The following NCOR2 variants were observed in gnomAD, a reference collection of about 807,000 sequenced individuals.
The protein encoded by NCOR2 is nuclear receptor corepressor 2.
Under a neutral mutation model 262.9 loss-of-function variants are expected in NCOR2, and 81 were observed. That is an observed-to-expected ratio of 0.31 (90% CI 0.26 to 0.37). The LOEUF (loss-of-function observed/expected upper bound fraction) is 0.37. NCOR2 is among the 10% of genes least tolerant of loss of function. The pLI is 1.00. For missense variants in NCOR2, 3,385 were observed against 3,621.4 expected (o/e 0.93, Z 1.68); for synonymous variants, 1,659 against 1,559.3 (o/e 1.06, Z -1.51).
At chr12:124,431,568 C>G (rs1246690814) in intron 8 of NCOR2, among the ~76,000 whole-genome samples, 1 of 150,820 alleles carries the variant, frequency 6.6e-6, no homozygotes, top group Non-Finnish European at 1.5e-5. Context: ...ACAAGATACA[C>G]AGAGAGACAC....
intron 1 of NCOR2, among the ~76,000 whole-genome samples, chr12:124,511,442 C>T (rs1296367892): frequency 1.3e-5 from 2 of 152,220 alleles, no homozygotes; most frequent in Non-Finnish European, 2.9e-5. Context: ...CAAGGGCACC[C>T]GGCAAACCTG....
intron 20 of NCOR2, among the ~76,000 whole-genome samples, chr12:124,370,270 G>A (rs992496527): frequency 6.6e-6 from 1 of 152,240 alleles, no homozygotes; most frequent in African/African-American, 2.4e-5. Flanking sequence ...TCAGGGTCAG[G>A]CCGTCCACTT....
At chr12:124,397,984 G>A (rs2041785772) in intron 16 of NCOR2, 135 bp downstream of exon 18, 3 of 1,011,600 alleles carry the variant, frequency 3.0e-6, no homozygotes, top group South Asian at 2.7e-5. Flanking sequence ...GAACAGCCCA[G>A]AACCAGAACC....
chr12:124,508,931 G>A (rs1381676909), intron 1 of NCOR2, among the ~76,000 whole-genome samples: 4 of 152,070 alleles, frequency 2.6e-5, no homozygotes, highest in Non-Finnish European at 5.9e-5. Flanking sequence ...CTTGGAGGGG[G>A]GACCCAAGAG....
intron 1 of NCOR2, among the ~76,000 whole-genome samples, chr12:124,545,604 C>T (rs553011254): frequency 2.1e-4 from 32 of 152,330 alleles, no homozygotes; most frequent in African/African-American, 7.5e-4. Context: ...TCTCATGTAC[C>T]GGTGAGCTCA....
chr12:124,410,177 T>C (rs2042494574), intron 13 of NCOR2, among the ~76,000 whole-genome samples: 1 of 149,390 alleles, frequency 6.7e-6, no homozygotes, highest in Non-Finnish European at 1.5e-5. Context: ...CAGCTTGAGA[T>C]GTCCCCCAGG....
chr12:124,405,303 C>G (rs2042219360), intron 13 of NCOR2, among the ~76,000 whole-genome samples: 1 of 152,256 alleles, frequency 6.6e-6, no homozygotes, highest in Admixed American at 6.5e-5. Flanking sequence ...GAGTGCAATC[C>G]TGGCACCAAG....
At chr12:124,354,975 C>T (rs767638348) in intron 24 of NCOR2, 36 bp from the exon 27 acceptor site, 2 of 1,574,964 alleles carry the variant, frequency 1.3e-6, no homozygotes, top group Admixed American at 3.5e-5. Flanking sequence ...CAGGGGCACC[C>T]TGGTCCCTCC....
Position 124,419,938 on chromosome 12 carries a change from C to A in NCOR2, c.1482+19G>T. 3 of 1,607,382 alleles carry A rather than the reference C, an allele frequency of 1.9e-6. No homozygotes were observed. Among genetic ancestry groups the A allele is most frequent in the Non-Finnish European group, 2.6e-6 (3 of 1,174,206 alleles). ...TGCAGGGAGCCTGCAAGGACAGTCA[C>A]CCCCACCTTGCCTCTTACCTGGCTC... On this transcript the variant is annotated intron_variant, in intron 13 of 46. Coordinates refer to ENST00000405201, the Ensembl canonical transcript of NCOR2.
At chr12:124,540,497 G>A (rs1427838291), upstream of NCOR2, among the ~76,000 whole-genome samples, 1 of 9,562 alleles carries the variant, frequency 1.0e-4, no homozygotes, top group African/African-American at 6.8e-4. Flanking sequence ...TGGAGCTGGA[G>A]GGGGATGGGA....
At chr12:124,490,378 C>A (rs750635760) in intron 1 of NCOR2, among the ~76,000 whole-genome samples, 1 of 151,880 alleles carries the variant, frequency 6.6e-6, no homozygotes, top group East Asian at 1.9e-4. Flanking sequence ...TGGAAGAGGA[C>A]GGGCCCGAGA....
chr12:124,536,833 A>G (rs182304688), upstream of NCOR2, among the ~76,000 whole-genome samples: 1 of 152,348 alleles, frequency 6.6e-6, no homozygotes, highest in African/African-American at 2.4e-5. Flanking sequence ...AAACAGCCAC[A>G]CAGACTCGCG....
rs377537155 is a variant in NCOR2 at position 124,348,128 on chromosome 12, G to A, written c.3985+46C>T. The stretch of plus-strand genomic sequence containing the variant: ...AAACGGGGTCAGCCATCCCCCCACC[G>A]CCCACCAGGGGGCACCGAGAGATGA... On this transcript the variant is annotated intron_variant, in intron 29 of 46. Transcript: ENST00000405201. The A allele has an allele frequency of 2.9e-5, 46 of 1,603,072 alleles. No individual in the cohort carries two copies. In the African/African-American group the frequency reaches 3.6e-4, roughly 13 times the overall value.
At chr12:124,486,610 G>C (rs556744434) in intron 1 of NCOR2, 42 bp from the exon 4 acceptor site, 1 of 1,530,986 alleles carries the variant, frequency 6.5e-7, no homozygotes, top group Non-Finnish European at 8.8e-7. Context: ...GGGCGGGCAC[G>C]GGCATGGCGG....
chr12:124,352,821 G>A (rs191318203), intron 27 of NCOR2, among the ~76,000 whole-genome samples: 5 of 152,350 alleles, frequency 3.3e-5, no homozygotes, highest in African/African-American at 4.8e-5. Flanking sequence ...TCTGCTTCCA[G>A]GAGATGAGCC....
intron 11 of NCOR2, among the ~76,000 whole-genome samples, chr12:124,424,639 C>T (rs1024640420): frequency 2.6e-5 from 4 of 152,192 alleles, no homozygotes; most frequent in Non-Finnish European, 5.9e-5. Flanking sequence ...TCTGCACTTG[C>T]GGGTCCACTC....
intron 13 of NCOR2, among the ~76,000 whole-genome samples, chr12:124,408,888 A>G (rs374871391): frequency 1.3e-5 from 2 of 152,216 alleles, no homozygotes; most frequent in East Asian, 3.9e-4. Flanking sequence ...CTCCATGCAC[A>G]GGGTGAGAAC....
Position 124,432,144 on chromosome 12 carries a change from A to C in NCOR2, c.883-1357T>G, listed in dbSNP as rs893161796. Reference sequence around the variant, plus strand: ...CAGACACACACACAGTCGCAGGCAGACAAACAGATGCACACACAGGGTCTC... The same window carrying C: ...CAGACACACACACAGTCGCAGGCAGCCAAACAGATGCACACACAGGGTCTC... On this transcript the variant is annotated intron_variant, in intron 8 of 46. Coordinates refer to ENST00000405201, the Ensembl canonical transcript of NCOR2. This position sits in a 1 kb window ranked among gnomAD's most constrained non-coding sequence, Gnocchi z 5.1. Among the ~76,000 whole-genome samples the C allele has an allele frequency of 6.6e-6, 1 of 151,996 alleles. No individual in the cohort carries two copies. Among genetic ancestry groups the C allele is most frequent in the Non-Finnish European group, 1.5e-5 (1 of 67,996 alleles).
chr12:124,357,848 G>C (rs2038083605), intron 22 of NCOR2, among the ~76,000 whole-genome samples: 2 of 152,116 alleles, frequency 1.3e-5, no homozygotes, highest in African/African-American at 2.4e-5. Flanking sequence ...GTGTGTGTGA[G>C]TGCATGGATG....
Sources: allele counts gnomAD v4.1 joint callset (sites outside exome capture counted in the v4.1 genomes callset), GRCh38; gene constraint gnomAD v4.1.1; non-coding constraint Gnocchi (gnomAD v3.1); transcripts MANE v1.5; gene names NCBI Gene and HGNC (gene_info 2026-07-23, HGNC 2026-07-21).